CLEC12B: variants seen among roughly 807,000 people sequenced by gnomAD.
CLEC12B encodes macrophage antigen h.
CLEC12B carries 25 observed loss-of-function variants against 36.1 expected under a neutral mutation model. The ratio of observed to expected loss-of-function variants is 0.69; its 90% CI spans 0.50 to 0.97. The LOEUF (loss-of-function observed/expected upper bound fraction) is 0.97, where lower values mean the gene tolerates loss of function less well. Among genes scored for constraint, CLEC12B ranks in the 50% least tolerant of loss-of-function variants. The pLI, the probability that CLEC12B is intolerant of heterozygous loss-of-function variation, is 0.00. For synonymous variants in CLEC12B, 110 were observed against 108.5 expected (o/e 1.01, Z -0.09); for missense variants, 325 against 318.4 (o/e 1.02, Z -0.16).
At chr12:10,010,200 T>TGTCTCTCTCACACA (rs1865293148), upstream of CLEC12B, among the ~76,000 whole-genome samples, 3 of 145,800 alleles carry the variant, frequency 2.1e-5, no homozygotes, top group Non-Finnish European at 3.0e-5. Context: ...TGTCTCTCTC[T>TGTCTCTCTCACACA]CACACACACA....
At chr12:10,008,609 G>A (rs570697932), upstream of CLEC12B, among the ~76,000 whole-genome samples, 3 of 152,260 alleles carry the variant, frequency 2.0e-5, no homozygotes, top group Admixed American at 2.0e-4. Flanking sequence ...AAGTTTTTAA[G>A]GGAGAAAAGT....
At chr12:10,009,468 G>A (rs1337598190), upstream of CLEC12B, among the ~76,000 whole-genome samples, 1 of 150,984 alleles carries the variant, frequency 6.6e-6, no homozygotes, top group Non-Finnish European at 1.5e-5. Flanking sequence ...CATAAGCATA[G>A]ATTTATTATT....
At chr12:10,008,260 A>T (rs1439494683), upstream of CLEC12B, among the ~76,000 whole-genome samples, 2 of 152,234 alleles carry the variant, frequency 1.3e-5, no homozygotes, top group African/African-American at 2.4e-5. Context: ...TAATTAATTT[A>T]AGTTTAAATA....
At chr12:10,017,719 T>A in intron 5 of CLEC12B, 1 of 906,368 alleles carries the variant, frequency 1.1e-6, no homozygotes, top group Non-Finnish European at 1.3e-6. Flanking sequence ...AAAACAATGT[T>A]GGGCACAAAG....
chr12:10,007,194 T>A (rs10400564), upstream of CLEC12B, among the ~76,000 whole-genome samples: 53,146 of 151,754 alleles, frequency 0.35, 9,645 homozygotes, highest in Middle Eastern at 0.38. Flanking sequence ...AGAAATGGAG[T>A]GATCATGTGT....
chr12:10,013,987 T>C (rs990008686), intron 2 of CLEC12B, among the ~76,000 whole-genome samples: 7 of 152,216 alleles, frequency 4.6e-5, no homozygotes, highest in African/African-American at 1.7e-4. Context: ...GGTGCAGTGG[T>C]TCTTAAATTT....
At position 10,016,002 on chromosome 12, in the gene CLEC12B, C is replaced by A. The variant is rs1006338643; in HGVS notation, c.680+275C>A. The A allele has an allele frequency of 2.7e-5, 30 of 1,111,770 alleles. No individual in the cohort carries two copies. In the African/African-American group the frequency reaches 4.2e-4, roughly 16 times the overall value. 68.9% of individuals were successfully genotyped at this position (1,111,770 alleles called of 1,614,324 possible). A position where few individuals can be genotyped will look rare whatever the true frequency, so the allele number is the denominator to read the frequency against. On this transcript the variant is annotated intron_variant, in intron 5 of 5. Coordinates refer to ENST00000338896, the MANE Select transcript of CLEC12B (RefSeq NM_001129998.3). ...ATTCAAAGTATTTTATAAATACTAA[C>A]CCTTGAAGAAAGCAGTTATATTCCC...
chr12:10,011,798 G>A (rs772422565), intron 1 of CLEC12B, among the ~76,000 whole-genome samples: 1 of 152,172 alleles, frequency 6.6e-6, no homozygotes, highest in African/African-American at 2.4e-5. Context: ...AAAAGCCGAT[G>A]GGAATAGACT....
In CLEC12B at chr12:10,015,669, T is replaced by C. The variant is rs777842910; in HGVS notation, c.622T>C (p.Trp208Arg). The C allele has an allele frequency of 6.2e-6, 10 of 1,613,712 alleles. No homozygotes were observed. In the African/African-American group the frequency reaches 1.2e-4, roughly 19 times the overall value. ...MFSFFWLGLSWDSSGRSWFWE... is the reference protein window; with the variant it reads ...MFSFFWLGLSRDSSGRSWFWE... ...TTCGTTCTTTTGGCTGGGATTATCA[T>C]GGGACTCCTCTGGCAGAAGTTGGTT... The change falls in exon 5 of 6, where the codon TGG becomes CGG. Residue 208 changes from tryptophan to arginine, a missense_variant. Physicochemically the swap from Trp to Arg is moderately radical, Grantham distance 101 (BLOSUM62 -3). Transcript: ENST00000338896.
At chr12:10,017,541 A>T in intron 5 of CLEC12B, 1 of 985,456 alleles carries the variant, frequency 1.0e-6, no homozygotes, top group Non-Finnish European at 1.2e-6. Context: ...CCCCTGAGAC[A>T]TGCAGCTGTC....
intron 5 of CLEC12B, chr12:10,017,487 A>G (rs1865515187): frequency 1.0e-6 from 1 of 985,246 alleles, no homozygotes; most frequent in African/African-American, 1.7e-5. Context: ...CAAAGTGTGG[A>G]GGAGGTGGCC....
At position 10,018,510 on chromosome 12, in the gene CLEC12B, A is replaced by G; in HGVS notation, c.*29A>G. The G allele has an allele frequency of 6.5e-7, 1 of 1,540,278 alleles. No homozygotes were observed. Among genetic ancestry groups the G allele is most frequent in the Non-Finnish European group, 8.8e-7 (1 of 1,141,300 alleles). On this transcript the variant is annotated 3_prime_UTR_variant, in exon 6 of 6. Transcript: ENST00000338896. Reference sequence around the variant, plus strand: ...GCTTCTTCCAAATTCTCCAAGAAGTAAGAGACTTGTGAGTAAGCTCATATG... The same window carrying G: ...GCTTCTTCCAAATTCTCCAAGAAGTGAGAGACTTGTGAGTAAGCTCATATG...
chr12:10,012,829 C>T lies in CLEC12B; in HGVS notation c.136C>T (p.Leu46=). 1 of 1,613,814 alleles carries T rather than the reference C, an allele frequency of 6.2e-7. No individual in the cohort carries two copies. Among genetic ancestry groups the T allele is most frequent in the Admixed American group, 1.7e-5 (1 of 60,016 alleles). ...CATTTGGCGTCATGCTGCTCTGGGT[C>T]TGGTAACTCTTTGCCTGATGTTGCT... The part of the protein sequence containing the change: ...SPIWRHAALG[L]VTLCLMLLIG... The change falls in exon 2 of 6, where the codon CTG becomes TTG. Residue 46 remains leucine (L), a synonymous_variant. Transcript: ENST00000338896.
chr12:10,015,355 C>T lies in CLEC12B; in HGVS notation c.513C>T (p.Asp171=), dbSNP rs1163085435. 3 of 1,613,304 alleles carry T rather than the reference C, an allele frequency of 1.9e-6. No homozygotes were observed. Among genetic ancestry groups the T allele is most frequent in the Non-Finnish European group, 2.5e-6 (3 of 1,179,610 alleles). ...AAACCTGGGCTAACAGTAGAAAGGACTGCATAGACAAGAACTCCACCCTAG... is the reference window on the plus strand; with the variant it reads ...AAACCTGGGCTAACAGTAGAAAGGATTGCATAGACAAGAACTCCACCCTAG... ...EEKTWANSRK[D]CIDKNSTLVK... Residue 171 remains aspartate, a synonymous_variant, in exon 4 of 6, where the codon GAC becomes GAT. Transcript: ENST00000338896.
chr12:10,018,242 T>C (rs1865535416), intron 5 of CLEC12B, 89 bp from the exon 6 acceptor site: 2 of 805,434 alleles, frequency 2.5e-6, no homozygotes, highest in Non-Finnish European at 3.7e-6. Context: ...TTCAGATACA[T>C]GACATTGGCT....
At chr12:10,017,760 A>G (rs917181059) in intron 5 of CLEC12B, 1 of 877,432 alleles carries the variant, frequency 1.1e-6, no homozygotes, top group Non-Finnish European at 1.4e-6. Context: ...ATAATTTTCT[A>G]AAGACATTAT....
intron 2 of CLEC12B, 145 bp from the exon 3 acceptor site, chr12:10,014,378 A>T (rs1565579667): frequency 1.8e-6 from 1 of 553,068 alleles, no homozygotes; most frequent in African/African-American, 1.9e-5. Flanking sequence ...ATAGAAAGGC[A>T]TCTGGTTTGT....
At chr12:10,015,910 C>A in intron 5 of CLEC12B, 183 bp downstream of exon 5, 2 of 1,400,596 alleles carry the variant, frequency 1.4e-6, no homozygotes. Context: ...AAATTTATAG[C>A]AAGGCACTGA....
Position 10,010,748 on chromosome 12 carries a change from T to A in CLEC12B, c.-12T>A. The A allele has an allele frequency of 6.5e-7, 1 of 1,539,626 alleles. No individual in the cohort carries two copies. The highest frequency in any genetic ancestry group is 9.0e-7 in the Non-Finnish European group (1 of 1,113,316). ...ATTAATTAGATAATTTAAAGTAGCG[T>A]TTTCTTCTACAATGTCTGAAGAAGT... On this transcript the variant is annotated 5_prime_UTR_variant, in exon 1 of 6. Coordinates refer to ENST00000338896, the MANE Select transcript of CLEC12B (RefSeq NM_001129998.3).
Sources: allele counts gnomAD v4.1 joint callset (sites outside exome capture counted in the v4.1 genomes callset), GRCh38; gene constraint gnomAD v4.1.1; transcripts MANE v1.5; gene names NCBI Gene and HGNC (gene_info 2026-07-23, HGNC 2026-07-21).